The following CNTN4 variants were observed in gnomAD, a reference collection of about 807,000 sequenced individuals.
CNTN4 encodes the protein contactin 4.
CNTN4 carries 77 observed loss-of-function variants against 122.5 expected under a neutral mutation model. That is an observed-to-expected ratio of 0.63 (90% CI 0.52 to 0.76). The LOEUF is 0.76. Among genes scored for constraint, CNTN4 ranks in the 30% least tolerant of loss-of-function variants. CNTN4 has a pLI of 0.00. For synonymous variants in CNTN4, 512 were observed against 447.0 expected (o/e 1.15, Z -1.83); for missense variants, 1,256 against 1,259.1 (o/e 1.00, Z 0.04).
At chr3:2,383,506 T>C (rs925224449) in intron 3 of CNTN4, among the ~76,000 whole-genome samples, 1 of 152,134 alleles carries the variant, frequency 6.6e-6, no homozygotes, top group South Asian at 2.1e-4. Context: ...AGGGATTAGG[T>C]AAATTGTCCC....
At chr3:2,544,389 G>A (rs1239526224) in intron 3 of CNTN4, among the ~76,000 whole-genome samples, 1 of 152,064 alleles carries the variant, frequency 6.6e-6, no homozygotes, top group Non-Finnish European at 1.5e-5. Flanking sequence ...ACCAAAAATA[G>A]TTGAATAGAA....
chr3:2,915,498 A>G (rs2094344312), intron 12 of CNTN4, among the ~76,000 whole-genome samples: 1 of 152,136 alleles, frequency 6.6e-6, no homozygotes, highest in South Asian at 2.1e-4. Context: ...TTATTTACTT[A>G]CTTATTCTTT....
At chr3:2,885,600 A>G (rs1371945004) in intron 9 of CNTN4, among the ~76,000 whole-genome samples, 1 of 152,176 alleles carries the variant, frequency 6.6e-6, no homozygotes, top group Non-Finnish European at 1.5e-5. Flanking sequence ...TATTTCTCAA[A>G]GTAGGGCACT....
chr3:2,536,503 A>G (rs1443671199), intron 3 of CNTN4, among the ~76,000 whole-genome samples: 2 of 152,240 alleles, frequency 1.3e-5, no homozygotes, highest in African/African-American at 2.4e-5. Flanking sequence ...AGTATATATC[A>G]TAAAAACAGT....
chr3:2,211,494 C>G (rs2038613754), intron 2 of CNTN4, among the ~76,000 whole-genome samples: 1 of 152,046 alleles, frequency 6.6e-6, no homozygotes, highest in East Asian at 1.9e-4. Context: ...ATTTTCTTCC[C>G]TTATCAATAG....
At chr3:2,146,273 A>G (rs2035244450) in intron 2 of CNTN4, among the ~76,000 whole-genome samples, 1 of 151,210 alleles carries the variant, frequency 6.6e-6, no homozygotes, top group Non-Finnish European at 1.5e-5. Context: ...ACTGCTGTTA[A>G]TATTTTTTTT....
At chr3:2,600,197 G>A (rs1319644220) in intron 4 of CNTN4, among the ~76,000 whole-genome samples, 1 of 151,170 alleles carries the variant, frequency 6.6e-6, no homozygotes, top group Non-Finnish European at 1.5e-5. Flanking sequence ...GTTAGACCTT[G>A]GAGGGCAGCT....
In CNTN4 at chr3:2,541,912, T is replaced by C. The variant is rs78228923; in HGVS notation, c.-88-29504T>C. On this transcript the variant is annotated intron_variant, in intron 3 of 24. Coordinates refer to ENST00000418658, the MANE Select transcript of CNTN4 (RefSeq NM_175607.3). ...CCTTGGCAACTCTAATATTTATCTC[T>C]GTGGAACTGAGTTGTGAAACTAAAA... Among the ~76,000 whole-genome samples the C allele has an allele frequency of 2.0e-4, 30 of 152,232 alleles. 1 individual carries two copies. The East Asian group carries it at 4.6e-3, about 24-fold the overall frequency.
intron 4 of CNTN4, among the ~76,000 whole-genome samples, chr3:2,677,219 A>ATC (rs1256779729): frequency 1.3e-3 from 191 of 150,220 alleles, no homozygotes; most frequent in African/African-American, 4.4e-3. Flanking sequence ...GTATATATAT[A>ATC]TCTATATAGA....
chr3:2,711,905 A>G (rs1453583074), intron 4 of CNTN4, among the ~76,000 whole-genome samples: 1 of 152,200 alleles, frequency 6.6e-6, no homozygotes, highest in African/African-American at 2.4e-5. Flanking sequence ...ATATGGTACA[A>G]ATATTTTTGA....
At chr3:2,264,644 A>G (rs967615039) in intron 2 of CNTN4, among the ~76,000 whole-genome samples, 9 of 151,898 alleles carry the variant, frequency 5.9e-5, no homozygotes, top group African/African-American at 1.9e-4. Flanking sequence ...CAATTTGTCT[A>G]TTGTTATTTT....
intron 4 of CNTN4, among the ~76,000 whole-genome samples, chr3:2,724,894 G>A (rs760514701): frequency 2.0e-5 from 3 of 152,188 alleles, no homozygotes; most frequent in Non-Finnish European, 4.4e-5. Context: ...AAGGAGGATG[G>A]TTTGGCTCTT....
At chr3:2,661,452 C>T (rs1431705602) in intron 4 of CNTN4, among the ~76,000 whole-genome samples, 3 of 151,992 alleles carry the variant, frequency 2.0e-5, no homozygotes, top group African/African-American at 4.8e-5. Context: ...CGATGGATCA[C>T]TCCCTTCTCA....
At chr3:2,555,084 G>T (rs2149386122) in intron 3 of CNTN4, among the ~76,000 whole-genome samples, 1 of 152,260 alleles carries the variant, frequency 6.6e-6, no homozygotes, top group South Asian at 2.1e-4. Context: ...TAGATAATTT[G>T]AGTATCTGTG....
At chr3:2,851,655 G>T (rs377633266) in intron 7 of CNTN4, among the ~76,000 whole-genome samples, 1 of 152,254 alleles carries the variant, frequency 6.6e-6, no homozygotes, top group East Asian at 1.9e-4. Context: ...TCTAAGGTGG[G>T]GGTTGTTATC....
At chr3:2,141,730 A>G (rs1230420535) in intron 2 of CNTN4, among the ~76,000 whole-genome samples, 2 of 152,068 alleles carry the variant, frequency 1.3e-5, no homozygotes, top group Non-Finnish European at 2.9e-5. Flanking sequence ...CTACATAATC[A>G]CACTTTCACT....
At chr3:2,390,371 C>G (rs568113235) in intron 3 of CNTN4, among the ~76,000 whole-genome samples, 2 of 151,930 alleles carry the variant, frequency 1.3e-5, no homozygotes, top group African/African-American at 2.4e-5. Context: ...CTGAAATGAT[C>G]ATAAAAGTTA....
intron 23 of CNTN4, among the ~76,000 whole-genome samples, chr3:3,049,672 T>A (rs753213963): frequency 1.2e-4 from 19 of 152,158 alleles, no homozygotes; most frequent in Non-Finnish European, 2.5e-4. Flanking sequence ...AGAGATGTAT[T>A]ATTTTATAGA....
At chr3:2,494,019 T>C (rs543378419) in intron 3 of CNTN4, among the ~76,000 whole-genome samples, 5 of 151,842 alleles carry the variant, frequency 3.3e-5, no homozygotes, top group African/African-American at 1.2e-4. Flanking sequence ...TCCTGGATTG[T>C]TTATTAGGAT....
Sources: allele counts gnomAD v4.1 joint callset (sites outside exome capture counted in the v4.1 genomes callset), GRCh38; gene constraint gnomAD v4.1.1; transcripts MANE v1.5; gene names NCBI Gene and HGNC (gene_info 2026-07-23, HGNC 2026-07-21).